EML4: variants seen among roughly 807,000 people sequenced by gnomAD.
EML4 encodes EMAP like 4, also known as echinoderm microtubule-associated protein-like 4.
A neutral mutation model predicts 129.0 loss-of-function variants in EML4; 72 were observed. The ratio of observed to expected loss-of-function variants is 0.56; its 90% confidence interval spans 0.46 to 0.68. The LOEUF (loss-of-function observed/expected upper bound fraction) is 0.68, where lower values mean the gene tolerates loss of function less well. Ranked by LOEUF, EML4 falls within the 30% of genes least tolerant of loss-of-function variation. The pLI, the probability that EML4 is intolerant of heterozygous loss-of-function variation, is 0.00. For missense variants in EML4, 1,363 were observed against 1,190.6 expected (o/e 1.14, Z -2.13); for synonymous variants, 532 against 405.0 (o/e 1.31, Z -3.77).
intron 17 of EML4, among the ~76,000 whole-genome samples, chr2:42,311,449 AG>A (rs1163839875): frequency 6.6e-6 from 1 of 152,056 alleles, no homozygotes; most frequent in Non-Finnish European, 1.5e-5. Context: ...GCTACTTGGG[AG>A]GCTAAGGTGG....
chr2:42,194,348 T>TCTC (rs964897934), intron 1 of EML4, among the ~76,000 whole-genome samples: 1 of 61,716 alleles, frequency 1.6e-5, no homozygotes, highest in African/African-American at 6.1e-5. Flanking sequence ...TCTCTCTCTC[T>TCTC]TTTTTTTTTT....
intron 17 of EML4, among the ~76,000 whole-genome samples, chr2:42,315,025 C>T (rs1669163345): frequency 6.6e-6 from 1 of 152,218 alleles, no homozygotes; most frequent in African/African-American, 2.4e-5. Flanking sequence ...TGTTGGAGGT[C>T]TCAGGGAGGA....
intron 1 of EML4, among the ~76,000 whole-genome samples, chr2:42,234,651 ACTTTATAAACAAATATAT>A (rs1674546421): frequency 6.6e-6 from 1 of 152,268 alleles, no homozygotes; most frequent in Admixed American, 6.5e-5. Flanking sequence ...AAAACTACTT[ACTTTATAAACAAATATAT>A]TCCTGTTGAG....
intron 17 of EML4, among the ~76,000 whole-genome samples, chr2:42,309,140 TCACACCTGTAATCCC>T (rs1024241434): frequency 6.6e-6 from 1 of 152,040 alleles, no homozygotes; most frequent in African/African-American, 2.4e-5. Flanking sequence ...GCACAATGGC[TCACACCTGTAATCCC>T]CACACTTTGG....
intron 3 of EML4, among the ~76,000 whole-genome samples, chr2:42,258,207 G>C (rs2104366712): frequency 6.6e-6 from 1 of 152,164 alleles, no homozygotes; most frequent in South Asian, 2.1e-4. Flanking sequence ...GCTCTTTTAG[G>C]TTGTACTGGG....
chr2:42,201,942 G>C (rs1354300923), intron 1 of EML4, among the ~76,000 whole-genome samples: 1 of 152,162 alleles, frequency 6.6e-6, no homozygotes, highest in African/African-American at 2.4e-5. Flanking sequence ...AATTAGCCGG[G>C]TGTGGTGCTG....
rs113479740 is a variant in EML4 at position 42,330,139 on chromosome 2, G to C, written c.2878G>C (p.Glu960Gln). Residue 960 changes from glutamate (E) to glutamine (Q), a missense_variant, in exon 23 of 23, where the codon GAG becomes CAG. By Grantham distance (29) the Glu-to-Gln change is conservative (BLOSUM62 2). Coordinates refer to ENST00000318522, the MANE Select transcript of EML4 (RefSeq NM_019063.5). ...GCCTCTTTATGAAGAGCCATGCAAC[G>C]AGATAAGCAAGGAGCAGGCCAAAGC... ...GEPLYEEPCN[E>Q]ISKEQAKATL... 1 of 1,612,102 alleles carries C rather than the reference G, an allele frequency of 6.2e-7. No individual in the cohort carries two copies. The highest frequency in any genetic ancestry group is 8.5e-7 in the Non-Finnish European group (1 of 1,179,722).
intron 7 of EML4, among the ~76,000 whole-genome samples, chr2:42,281,742 C>G (rs1195953108): frequency 6.6e-6 from 1 of 152,074 alleles, no homozygotes; most frequent in East Asian, 1.9e-4. Flanking sequence ...TTCAGCCAGA[C>G]TTTTTTTTAA....
intron 1 of EML4, among the ~76,000 whole-genome samples, chr2:42,180,541 C>G (rs541341816): frequency 2.0e-5 from 3 of 152,294 alleles, no homozygotes; most frequent in African/African-American, 7.2e-5. Context: ...CTTTCCTGGC[C>G]TCTATAGACC....
rs763939805 is a variant in EML4, at chr2:42,288,268, G to A, written c.1164G>A (p.Glu388=). Residue 388 remains glutamate, a synonymous_variant, in exon 11 of 23, where the codon GAG becomes GAA. Coordinates refer to ENST00000318522, the MANE Select transcript of EML4 (RefSeq NM_019063.5). The stretch of plus-strand genomic sequence containing the variant: ...TATGTATTATTGATGACTCCAATGA[G>A]CATATGCTTACTGTATGGGACTGGC... ...VHLCIIDDSN[E]HMLTVWDWQK... 1 of 1,575,002 alleles carries A rather than the reference G, an allele frequency of 6.3e-7. No individual in the cohort carries two copies. The highest frequency in any genetic ancestry group is 1.1e-5 in the South Asian group (1 of 88,434).
At chr2:42,321,577 A>G (rs904304665) in intron 19 of EML4, among the ~76,000 whole-genome samples, 1 of 152,034 alleles carries the variant, frequency 6.6e-6, no homozygotes, top group Non-Finnish European at 1.5e-5. Flanking sequence ...GGATTAGAGC[A>G]AGTGACAAAA....
chr2:42,227,076 A>C (rs72980820), intron 1 of EML4, among the ~76,000 whole-genome samples: 6,458 of 152,106 alleles, frequency 0.042, 428 homozygotes, highest in African/African-American at 0.15. Context: ...TTCCACTTTC[A>C]GTTTTATGTG....
chr2:42,271,181 A>T (rs1283249667), intron 6 of EML4, among the ~76,000 whole-genome samples: 1 of 152,268 alleles, frequency 6.6e-6, no homozygotes, highest in African/African-American at 2.4e-5. Flanking sequence ...GGCATGAGCC[A>T]CTGTGCCTGG....
At chr2:42,219,646 A>G (rs1026821434) in intron 1 of EML4, among the ~76,000 whole-genome samples, 1 of 152,130 alleles carries the variant, frequency 6.6e-6, no homozygotes, top group African/African-American at 2.4e-5. Context: ...GGCTGGGTGC[A>G]GTGGCTCACG....
intron 1 of EML4, among the ~76,000 whole-genome samples, chr2:42,196,942 G>A (rs1005828618): frequency 2.0e-5 from 3 of 152,066 alleles, no homozygotes; most frequent in African/African-American, 7.2e-5. Context: ...CCCCTACTTT[G>A]AAAAAGTAAA....
chr2:42,243,686 A>G (rs1675184659), intron 1 of EML4, among the ~76,000 whole-genome samples: 4 of 152,244 alleles, frequency 2.6e-5, no homozygotes. Context: ...GTGAAATACC[A>G]GTAAAGACAG....
intron 17 of EML4, among the ~76,000 whole-genome samples, chr2:42,314,892 T>G (rs1451202821): frequency 2.0e-5 from 3 of 152,238 alleles, no homozygotes; most frequent in Non-Finnish European, 4.4e-5. Flanking sequence ...TAATAGTGAT[T>G]TATAATGTAG....
intron 17 of EML4, among the ~76,000 whole-genome samples, chr2:42,308,983 G>A (rs1452515402): frequency 6.6e-6 from 1 of 152,132 alleles, no homozygotes; most frequent in Admixed American, 6.6e-5. Context: ...GGACATAGGG[G>A]TTATTTCCAC....
rs1325770489 is a variant in EML4, at chr2:42,245,653, T to C, written c.174T>C (p.His58=). The change falls in exon 2 of 23, where the codon CAT becomes CAC. Residue 58 remains histidine, a synonymous_variant. Coordinates refer to ENST00000318522, the MANE Select transcript of EML4 (RefSeq NM_019063.5). ...GGCGTCTTGCAATCTCTGAAGATCATGTGGCCTCAGTGAAAAAATCAGTCT... is the reference window on the plus strand; with the variant it reads ...GGCGTCTTGCAATCTCTGAAGATCACGTGGCCTCAGTGAAAAAATCAGTCT... ...VLRRLAISED[H]VASVKKSVSS... 1.2e-6 allele frequency: 2 copies of C among 1,612,070 alleles called. No homozygotes were observed. The highest frequency in any genetic ancestry group is 1.7e-6 in the Non-Finnish European group (2 of 1,178,944).
Sources: gnomAD v4.1 joint callset for allele counts (sites outside exome capture counted in the v4.1 genomes callset) on GRCh38, gnomAD v4.1.1 for gene constraint, MANE v1.5 for transcripts, NCBI Gene and HGNC (gene_info 2026-07-23, HGNC 2026-07-21) for gene names.